The following DACH1 variants were observed in gnomAD, a reference collection of about 807,000 sequenced individuals.
The protein encoded by DACH1 is dachshund family transcription factor 1.
DACH1 carries 12 observed loss-of-function variants against 54.2 expected under a neutral mutation model. That is an observed-to-expected ratio of 0.22 (90% CI 0.14 to 0.36). The LOEUF is 0.36. DACH1 is among the 10% of genes least tolerant of loss of function. DACH1 has a pLI of 1.00. For missense variants in DACH1, 805 were observed against 929.8 expected, an observed-to-expected ratio of 0.87 and a Z score of 1.75; for synonymous variants, 386 against 366.2, an observed-to-expected ratio of 1.05 and a Z score of -0.62.
chr13:71,645,728 G>C (rs780414676), intron 2 of DACH1, among the ~76,000 whole-genome samples: 2 of 151,470 alleles, frequency 1.3e-5, no homozygotes, highest in Non-Finnish European at 2.9e-5. Context: ...CTGAAAGAAC[G>C]TGCTCATGCC....
At chr13:71,680,672 A>G (rs1411906755) in intron 2 of DACH1, among the ~76,000 whole-genome samples, 2 of 152,222 alleles carry the variant, frequency 1.3e-5, no homozygotes, top group East Asian at 3.8e-4. Flanking sequence ...TAAATATATA[A>G]AATGAACAAA....
chr13:71,607,318 CTTA>C (rs1593975988), intron 3 of DACH1, among the ~76,000 whole-genome samples: 1 of 151,772 alleles, frequency 6.6e-6, no homozygotes, highest in Non-Finnish European at 1.5e-5. Flanking sequence ...TGTATACAGG[CTTA>C]TTATTGTTTT....
intron 1 of DACH1, among the ~76,000 whole-genome samples, chr13:71,794,689 C>T (rs865825010): frequency 6.6e-6 from 1 of 152,160 alleles, no homozygotes; most frequent in Non-Finnish European, 1.5e-5. Context: ...CCTCCCACCT[C>T]GGCCTCCCAA....
At chr13:71,814,004 G>A (rs1887819027) in intron 1 of DACH1, among the ~76,000 whole-genome samples, 1 of 152,130 alleles carries the variant, frequency 6.6e-6, no homozygotes, top group Admixed American at 6.6e-5. Context: ...AATTATTTGA[G>A]GGCAAAGGAT....
intron 1 of DACH1, among the ~76,000 whole-genome samples, chr13:71,747,014 A>G (rs947538061): frequency 5.9e-5 from 9 of 152,178 alleles, no homozygotes; most frequent in African/African-American, 1.4e-4. Flanking sequence ...GTATTAACAC[A>G]TATGTATATG....
intron 1 of DACH1, among the ~76,000 whole-genome samples, chr13:71,830,605 G>A (rs1056110404): frequency 6.6e-6 from 1 of 151,782 alleles, no homozygotes; most frequent in African/African-American, 2.4e-5. Flanking sequence ...GACCCACTAT[G>A]TTTAACCGAC....
chr13:71,832,125 G>A (rs747802991), intron 1 of DACH1, among the ~76,000 whole-genome samples: 1 of 151,914 alleles, frequency 6.6e-6, no homozygotes, highest in Non-Finnish European at 1.5e-5. Flanking sequence ...AAGCATTTGC[G>A]TGCTTGGTGT....
At chr13:71,528,861 TA>T (rs1407840221) in intron 6 of DACH1, among the ~76,000 whole-genome samples, 1 of 152,102 alleles carries the variant, frequency 6.6e-6, no homozygotes, top group African/African-American at 2.4e-5. Context: ...AAATGTTCTA[TA>T]AAAGGTAGCT....
At chr13:71,754,567 G>A (rs180703989) in intron 1 of DACH1, among the ~76,000 whole-genome samples, 134 of 152,194 alleles carry the variant, frequency 8.8e-4, no homozygotes, top group Non-Finnish European at 1.3e-3. Flanking sequence ...GGCTTAGCCC[G>A]TTGACCCAAC....
In DACH1 at chr13:71,528,242, G is replaced by A. The variant is rs74095962; in HGVS notation, c.1570+28782C>T. Among the ~76,000 whole-genome samples the A allele has an allele frequency of 3.2e-3, 491 of 152,108 alleles. 3 individuals are homozygous for A. The highest frequency in any genetic ancestry group is 0.011 in the African/African-American group (463 of 41,502). On this transcript the variant is annotated intron_variant, in intron 6 of 10. Coordinates refer to ENST00000613252, the MANE Select transcript of DACH1 (RefSeq NM_080759.6). ...AGTTGTTTAGAATAATTCAATGATC[G>A]TACCGGGGAATATATCAAGTGTAAA... is the stretch of plus-strand genomic sequence containing the variant.
chr13:71,693,567 C>G (rs1276407736), intron 1 of DACH1, among the ~76,000 whole-genome samples: 3 of 150,998 alleles, frequency 2.0e-5, no homozygotes, highest in African/African-American at 7.3e-5. Context: ...ATCCGCCCGC[C>G]TCGGCCTCCC....
intron 1 of DACH1, among the ~76,000 whole-genome samples, chr13:71,805,292 A>C (rs1566511514): frequency 1.3e-5 from 2 of 152,170 alleles, no homozygotes; most frequent in Admixed American, 6.6e-5. Flanking sequence ...TTTGAGGACA[A>C]CCACCAAAAT....
chr13:71,464,761 C>A (rs1419335215), intron 10 of DACH1: 1 of 452,366 alleles, frequency 2.2e-6, no homozygotes, highest in Non-Finnish European at 4.4e-6. Flanking sequence ...CTTGGCGGGT[C>A]ACTTAAACTT....
intron 2 of DACH1, among the ~76,000 whole-genome samples, chr13:71,632,277 G>A (rs1266010128): frequency 6.6e-6 from 1 of 151,964 alleles, no homozygotes; most frequent in African/African-American, 2.4e-5. Flanking sequence ...TTGCTTAAAT[G>A]TGTGAACTTT....
At chr13:71,737,958 T>C (rs185468818) in intron 1 of DACH1, among the ~76,000 whole-genome samples, 1 of 152,314 alleles carries the variant, frequency 6.6e-6, no homozygotes, top group Non-Finnish European at 1.5e-5. Context: ...GAAGATAAGC[T>C]CAGTTTTTAA....
chr13:71,454,690 T>C (rs1169481122), intron 10 of DACH1, among the ~76,000 whole-genome samples: 4 of 152,138 alleles, frequency 2.6e-5, no homozygotes, highest in Admixed American at 1.3e-4. Context: ...ACAGGAGGCA[T>C]GGCAACAGCC....
intron 1 of DACH1, among the ~76,000 whole-genome samples, chr13:71,688,258 T>C (rs954271436): frequency 6.6e-6 from 1 of 152,216 alleles, no homozygotes; most frequent in African/African-American, 2.4e-5. Context: ...AATGTATGTA[T>C]ATCAATATTT....
At chr13:71,649,195 T>C (rs769076969) in intron 2 of DACH1, among the ~76,000 whole-genome samples, 3 of 152,154 alleles carry the variant, frequency 2.0e-5, no homozygotes, top group Non-Finnish European at 4.4e-5. Flanking sequence ...GTTTGTAACC[T>C]AGAAGCAATA....
chr13:71,818,028 G>A (rs1023818513), intron 1 of DACH1, among the ~76,000 whole-genome samples: 2 of 151,850 alleles, frequency 1.3e-5, no homozygotes, highest in African/African-American at 4.8e-5. Context: ...GGCCAGACTG[G>A]TCTCAAACTC....
Sources: allele counts gnomAD v4.1 joint callset (sites outside exome capture counted in the v4.1 genomes callset), GRCh38; gene constraint gnomAD v4.1.1; transcripts MANE v1.5; gene names NCBI Gene and HGNC (gene_info 2026-07-23, HGNC 2026-07-21).